Variants in ZFYVE28 observed in about 807,000 individuals in gnomAD.
ZFYVE28 encodes the protein lateral signaling target protein 2 homolog.
A neutral mutation model predicts 82.1 loss-of-function variants in ZFYVE28; 40 were observed. The ratio of observed to expected loss-of-function variants is 0.49; its 90% CI spans 0.38 to 0.63. The LOEUF (loss-of-function observed/expected upper bound fraction) is 0.63, where lower values mean the gene tolerates loss of function less well. Ranked by LOEUF, ZFYVE28 falls within the 30% of genes least tolerant of loss-of-function variation. The pLI is 0.00. For synonymous variants in ZFYVE28, 612 were observed against 546.1 expected (o/e 1.12, Z -1.68); for missense variants, 1,321 against 1,242.1 (o/e 1.06, Z -0.96).
chr4:2,364,225 C>T (rs1394970273), intron 1 of ZFYVE28, among the ~76,000 whole-genome samples: 1 of 152,186 alleles, frequency 6.6e-6, no homozygotes, highest in Non-Finnish European at 1.5e-5. Flanking sequence ...ATCAACTCTG[C>T]CCACCCGGCC....
chr4:2,270,545 C>T lies in ZFYVE28; in HGVS notation c.*180G>A, dbSNP rs1044637185. The T allele has an allele frequency of 2.7e-5, 25 of 912,310 alleles. No individual in the cohort carries two copies. The highest frequency in any genetic ancestry group is 3.6e-5 in the Non-Finnish European group (22 of 616,798). The allele number at this position is 912,310 out of a possible 1,614,324, so 56.5% of individuals were successfully genotyped here. On this transcript the variant is annotated 3_prime_UTR_variant, in exon 13 of 13. Coordinates refer to ENST00000290974, the MANE Select transcript of ZFYVE28 (RefSeq NM_020972.3). ...CTCTTGTTGGCCCCTGCAGCCGGCC[C>T]GGGGTCCCTGCAGGGAGGCTAGCGT...
intron 8 of ZFYVE28, among the ~76,000 whole-genome samples, chr4:2,279,715 A>G (rs1395272521): frequency 6.6e-6 from 1 of 151,702 alleles, no homozygotes; most frequent in Non-Finnish European, 1.5e-5. Flanking sequence ...CGGGAGGCGG[A>G]GCTTGCAGTG....
At chr4:2,365,381 C>T (rs913954587) in intron 1 of ZFYVE28, among the ~76,000 whole-genome samples, 1 of 152,096 alleles carries the variant, frequency 6.6e-6, no homozygotes, top group African/African-American at 2.4e-5. Flanking sequence ...CCCCCAACTA[C>T]CTGCACGCAG....
In ZFYVE28 at chr4:2,332,319, A is replaced by G. The variant is rs1291457475; in HGVS notation, c.701+3386T>C. ...CTAGAGGGGTCTTCATTTCTGCAGA[A>G]GTTCCTGCGGCCCCCTGGTCCTTGC... On this transcript the variant is annotated intron_variant, in intron 6 of 12. Coordinates refer to ENST00000290974, the MANE Select transcript of ZFYVE28 (RefSeq NM_020972.3). This position sits in a 1 kb window ranked among gnomAD's most constrained non-coding sequence, Gnocchi z 4.7. Among the ~76,000 whole-genome samples the G allele has an allele frequency of 2.0e-5, 3 of 152,120 alleles. No homozygotes were observed. The highest frequency in any genetic ancestry group is 4.4e-5 in the Non-Finnish European group (3 of 68,000).
At chr4:2,368,211 CA>C (rs34092714) in intron 1 of ZFYVE28, among the ~76,000 whole-genome samples, 5,826 of 86,052 alleles carry the variant, frequency 0.068, 457 homozygotes, top group African/African-American at 0.22. Flanking sequence ...CACATCTCTA[CA>C]AAAAAAAAAA....
chr4:2,384,925 G>A (rs1483192497), intron 1 of ZFYVE28, among the ~76,000 whole-genome samples: 1 of 152,106 alleles, frequency 6.6e-6, no homozygotes, highest in Non-Finnish European at 1.5e-5. Context: ...GGGGGGAGGG[G>A]AGTGTAGGGC....
chr4:2,294,793 CA>C (rs1354687736), intron 8 of ZFYVE28, among the ~76,000 whole-genome samples: 1 of 152,118 alleles, frequency 6.6e-6, no homozygotes, highest in Non-Finnish European at 1.5e-5. Flanking sequence ...GACGCTTCAC[CA>C]AACAACCAAT....
At chr4:2,354,442 G>C (rs1018903714) in intron 1 of ZFYVE28, among the ~76,000 whole-genome samples, 4 of 150,206 alleles carry the variant, frequency 2.7e-5, no homozygotes, top group African/African-American at 9.9e-5. Context: ...GACAAAAGCA[G>C]CTCTCAGGAA....
intron 9 of ZFYVE28, among the ~76,000 whole-genome samples, chr4:2,273,533 G>A (rs921671573): frequency 1.3e-4 from 20 of 152,208 alleles, no homozygotes; most frequent in Non-Finnish European, 2.2e-4. Flanking sequence ...GCCACAGTCG[G>A]TCTGCCGCTG....
intron 6 of ZFYVE28, chr4:2,330,779 G>A (rs1720555203): frequency 1.3e-6 from 2 of 1,523,636 alleles, no homozygotes; most frequent in African/African-American, 2.8e-5. Flanking sequence ...GTAGGGATAG[G>A]ACAGTCAAGG....
rs1394142916 is a variant in ZFYVE28 at position 2,408,667 on chromosome 4, G to A, written c.39+9618C>T. Among the ~76,000 whole-genome samples, 1 of 151,924 alleles carries A rather than the reference G, an allele frequency of 6.6e-6. No individual in the cohort carries two copies. Among genetic ancestry groups the A allele is most frequent in the Non-Finnish European group, 1.5e-5 (1 of 67,976 alleles). On this transcript the variant is annotated intron_variant, in intron 1 of 12. Transcript: ENST00000290974. The surrounding 1 kb of genome is among the most constrained non-coding windows in gnomAD (Gnocchi z 4.3). ...TGGCGCCCCATCCAGATAGAGTCCC[G>A]CCCAGATGAGTACCACCCAGGTAAG...
intron 1 of ZFYVE28, among the ~76,000 whole-genome samples, chr4:2,405,726 G>A (rs1466185594): frequency 7.9e-5 from 12 of 152,212 alleles, no homozygotes; most frequent in Admixed American, 3.9e-4. Flanking sequence ...ACTGTCCCTC[G>A]GGTTCTCTTG....
At chr4:2,274,859 C>G (rs961242466) in intron 8 of ZFYVE28, among the ~76,000 whole-genome samples, 1 of 136,350 alleles carries the variant, frequency 7.3e-6, no homozygotes, top group Admixed American at 6.9e-5. Flanking sequence ...CACCTGGAGT[C>G]CCCAGAAGCT....
At chr4:2,385,839 C>A (rs1442241602) in intron 1 of ZFYVE28, among the ~76,000 whole-genome samples, 2 of 152,210 alleles carry the variant, frequency 1.3e-5, no homozygotes, top group African/African-American at 2.4e-5. Context: ...CGCAGACAGG[C>A]GCCCTCACAG....
At chr4:2,403,160 T>A (rs1731381630) in intron 1 of ZFYVE28, among the ~76,000 whole-genome samples, 1 of 152,200 alleles carries the variant, frequency 6.6e-6, no homozygotes, top group African/African-American at 2.4e-5. Flanking sequence ...TGCCTTCTCC[T>A]CAGCTACCAG....
chr4:2,330,131 TG>T, intron 6 of ZFYVE28: 1 of 288,634 alleles, frequency 3.5e-6, no homozygotes, highest in Non-Finnish European at 5.2e-6. Context: ...TAATAGGGGG[TG>T]GAGGTGACCG....
chr4:2,356,742 A>T (rs2108887005), intron 1 of ZFYVE28, among the ~76,000 whole-genome samples: 1 of 152,218 alleles, frequency 6.6e-6, no homozygotes, highest in Non-Finnish European at 1.5e-5. Flanking sequence ...AGAGGAGGGG[A>T]GGCGGGGAAA....
At chr4:2,329,044 C>T (rs1454279251) in intron 6 of ZFYVE28, 3 of 687,682 alleles carry the variant, frequency 4.4e-6, no homozygotes, top group Non-Finnish European at 8.0e-6. Context: ...GAAATCAGGA[C>T]GTATGAATCT....
At position 2,372,067 on chromosome 4, in the gene ZFYVE28, G is replaced by A. The variant is rs932888135; in HGVS notation, c.40-17994C>T. Among the ~76,000 whole-genome samples, 8 of 152,204 alleles carry A rather than the reference G, an allele frequency of 5.3e-5. No individual in the cohort carries two copies. Among genetic ancestry groups the A allele is most frequent in the Non-Finnish European group, 1.0e-4 (7 of 68,030 alleles). ...CCTCAGGTCAGCCCAGTGGAAGCCT[G>A]GAGGGGCGTGCAGCGTGTGGCCGGT... On this transcript the variant is annotated intron_variant, in intron 1 of 12. Coordinates refer to ENST00000290974, the MANE Select transcript of ZFYVE28 (RefSeq NM_020972.3). This position sits in a 1 kb window ranked among gnomAD's most constrained non-coding sequence, Gnocchi z 5.2.
Sources: gnomAD v4.1 joint callset for allele counts (sites outside exome capture counted in the v4.1 genomes callset) on GRCh38, gnomAD v4.1.1 for gene constraint, Gnocchi (gnomAD v3.1) non-coding constraint, MANE v1.5 for transcripts, NCBI Gene and HGNC (gene_info 2026-07-23, HGNC 2026-07-21) for gene names.